The following GALNTL6 variants were observed in gnomAD, a reference collection of about 807,000 sequenced individuals.
GALNTL6 encodes the protein polypeptide N-acetylgalactosaminyltransferase-like 6.
In GALNTL6, 46 loss-of-function variants were observed where a neutral mutation model predicts 73.7. The observed-to-expected ratio is 0.62, with a 90% CI of 0.49 to 0.80. GALNTL6 has a LOEUF of 0.80. Among genes scored for constraint, GALNTL6 ranks in the 30% least tolerant of loss-of-function variants. The probability of loss-of-function intolerance (pLI) is 0.00; values close to 1 mark genes in which losing one functional copy is unlikely to be tolerated. For synonymous variants in GALNTL6, 259 were observed against 263.7 expected, an observed-to-expected ratio of 0.98 and a Z score of 0.17; for missense variants, 604 against 755.0, an observed-to-expected ratio of 0.80 and a Z score of 2.34.
intron 5 of GALNTL6, among the ~76,000 whole-genome samples, chr4:172,416,679 A>C (rs571965960): frequency 1.3e-5 from 2 of 152,280 alleles, no homozygotes; most frequent in African/African-American, 4.8e-5. Flanking sequence ...AGTACATACA[A>C]GATTTAATTT....
chr4:172,448,380 G>T (rs890997602), intron 5 of GALNTL6, among the ~76,000 whole-genome samples: 1 of 152,098 alleles, frequency 6.6e-6, no homozygotes, highest in East Asian at 1.9e-4. Flanking sequence ...ATATCTCTAA[G>T]ATTTCTTTAG....
chr4:171,992,890 T>C (rs1740380523), intron 2 of GALNTL6, among the ~76,000 whole-genome samples: 1 of 152,102 alleles, frequency 6.6e-6, no homozygotes, highest in Non-Finnish European at 1.5e-5. Context: ...GGCAATCTCA[T>C]ACTATGCCTT....
intron 2 of GALNTL6, among the ~76,000 whole-genome samples, chr4:172,168,270 GTTTGT>G (rs200854509): frequency 5.9e-5 from 9 of 151,866 alleles, no homozygotes; most frequent in East Asian, 5.8e-4. Flanking sequence ...AAAGTTTTTT[GTTTGT>G]TTTGTTTTGT....
intron 5 of GALNTL6, among the ~76,000 whole-genome samples, chr4:172,423,151 T>C (rs1284988904): frequency 6.6e-6 from 1 of 151,962 alleles, no homozygotes; most frequent in Non-Finnish European, 1.5e-5. Flanking sequence ...TAGTCTGTGC[T>C]AACATCATTC....
intron 5 of GALNTL6, among the ~76,000 whole-genome samples, chr4:172,602,382 G>A (rs1322837387): frequency 6.6e-6 from 1 of 151,940 alleles, no homozygotes; most frequent in Non-Finnish European, 1.5e-5. Context: ...CATATTATGG[G>A]GTTTATTGCA....
chr4:172,982,555 C>T (rs1265458596), intron 10 of GALNTL6, among the ~76,000 whole-genome samples: 1 of 152,246 alleles, frequency 6.6e-6, no homozygotes, highest in East Asian at 1.9e-4. Flanking sequence ...CTGAAGTCTA[C>T]AATTAGTGTG....
At chr4:172,164,846 C>G (rs1734574539) in intron 2 of GALNTL6, among the ~76,000 whole-genome samples, 1 of 151,966 alleles carries the variant, frequency 6.6e-6, no homozygotes, top group African/African-American at 2.4e-5. Flanking sequence ...TTAGGCTCTT[C>G]CAGAATTCAT....
intron 2 of GALNTL6, among the ~76,000 whole-genome samples, chr4:172,224,874 G>A (rs1212157966): frequency 6.6e-6 from 1 of 152,088 alleles, no homozygotes. Context: ...CATCTGAAAG[G>A]ATGTTAGTTT....
At chr4:171,932,712 T>A (rs894815984) in intron 2 of GALNTL6, among the ~76,000 whole-genome samples, 3 of 152,208 alleles carry the variant, frequency 2.0e-5, no homozygotes, top group African/African-American at 7.2e-5. Flanking sequence ...ATGGGATGTT[T>A]AGAGAATGAA....
chr4:172,233,656 G>A (rs1737146766), intron 3 of GALNTL6, among the ~76,000 whole-genome samples: 1 of 151,966 alleles, frequency 6.6e-6, no homozygotes, highest in African/African-American at 2.4e-5. Flanking sequence ...AATAGCTAAT[G>A]TACTATATCT....
intron 5 of GALNTL6, among the ~76,000 whole-genome samples, chr4:172,429,671 A>T (rs773775244): frequency 1.1e-4 from 17 of 152,206 alleles, no homozygotes; most frequent in Non-Finnish European, 2.4e-4. Context: ...ACAGAATTTC[A>T]TAATGTAACC....
chr4:172,923,575 G>A (rs567914789), intron 8 of GALNTL6, among the ~76,000 whole-genome samples: 4 of 152,290 alleles, frequency 2.6e-5, no homozygotes, highest in South Asian at 4.1e-4. Flanking sequence ...CTGGGATGGT[G>A]CTAATGAGCA....
intron 2 of GALNTL6, among the ~76,000 whole-genome samples, chr4:172,069,576 T>TG (rs5864116): frequency 4.4e-4 from 1 of 2,272 alleles, no homozygotes; most frequent in Non-Finnish European, 2.4e-3. Flanking sequence ...CACATATATG[T>TG]TATATATTAT....
chr4:171,921,522 A>G (rs937962610), intron 2 of GALNTL6, among the ~76,000 whole-genome samples: 3 of 152,124 alleles, frequency 2.0e-5, no homozygotes. Flanking sequence ...ATATTATGCC[A>G]TAGGTGGCAT....
intron 9 of GALNTL6, among the ~76,000 whole-genome samples, chr4:172,935,199 A>G (rs1413571742): frequency 6.6e-6 from 1 of 152,184 alleles, no homozygotes; most frequent in Non-Finnish European, 1.5e-5. Flanking sequence ...GCAGTCCTGG[A>G]AGTGCACACA....
chr4:172,542,134 A>G (rs1049366653), intron 5 of GALNTL6, among the ~76,000 whole-genome samples: 2 of 151,680 alleles, frequency 1.3e-5, no homozygotes, highest in African/African-American at 4.8e-5. Flanking sequence ...GGGATCTCCA[A>G]GCAGAAAGGA....
chr4:172,242,978 C>T lies in GALNTL6; in HGVS notation c.247+13214C>T, dbSNP rs190758764. ...ACATATATAATCAGATCATTTCACT[C>T]CTCTGCTCAAATGCCTTCAAAGGCT... On this transcript the variant is annotated intron_variant, in intron 3 of 12. Coordinates refer to ENST00000506823, the MANE Select transcript of GALNTL6 (RefSeq NM_001034845.3). Among the ~76,000 whole-genome samples, 18 of 152,314 alleles carry T rather than the reference C, an allele frequency of 1.2e-4. No homozygotes were observed. In the East Asian group the frequency reaches 1.4e-3, roughly 11 times the overall value.
chr4:172,712,366 T>A lies in GALNTL6; in HGVS notation c.554-96995T>A, dbSNP rs569193897. On this transcript the variant is annotated intron_variant, in intron 5 of 12. Coordinates refer to ENST00000506823, the MANE Select transcript of GALNTL6 (RefSeq NM_001034845.3). ...TGCAGGTTAGTTACGTATGTATACATGTGCCATGTTGGTGTGCTGCACCCA... is the reference window on the plus strand; with the variant it reads ...TGCAGGTTAGTTACGTATGTATACAAGTGCCATGTTGGTGTGCTGCACCCA... 2.3e-4 allele frequency among the ~76,000 whole-genome samples: 35 copies of A among 152,276 alleles called. 1 individual carries two copies. The South Asian group carries it at 5.8e-3, about 25-fold the overall frequency.
At chr4:172,710,086 A>G (rs1309559270) in intron 5 of GALNTL6, among the ~76,000 whole-genome samples, 2 of 152,310 alleles carry the variant, frequency 1.3e-5, no homozygotes, top group East Asian at 1.9e-4. Flanking sequence ...ATAAATTACT[A>G]TAATAGATAC....
Sources: gnomAD v4.1 joint callset for allele counts (sites outside exome capture counted in the v4.1 genomes callset) on GRCh38, gnomAD v4.1.1 for gene constraint, MANE v1.5 for transcripts, NCBI Gene and HGNC (gene_info 2026-07-23, HGNC 2026-07-21) for gene names.